Variants in ARCN1 observed in about 807,000 individuals in gnomAD.
The protein encoded by ARCN1 is coatomer subunit delta.
A neutral mutation model predicts 60.4 loss-of-function variants in ARCN1; 5 were observed. That is an observed-to-expected ratio of 0.08 (90% confidence interval 0.04 to 0.17). The LOEUF is 0.17. Ranked by LOEUF, ARCN1 falls within the 10% of genes least tolerant of loss-of-function variation. The pLI is 1.00. For missense variants in ARCN1, 464 were observed against 626.5 expected, an observed-to-expected ratio of 0.74 and a Z score of 2.77; for synonymous variants, 224 against 220.0, an observed-to-expected ratio of 1.02 and a Z score of -0.16.
rs782272141 is a variant in ARCN1, at chr11:118,593,604, T to C, written c.1147T>C (p.Ser383Pro). Residue 383 changes from serine (S) to proline (P), a missense_variant, in exon 8 of 10, where the codon TCG becomes CCG. Physicochemically the swap from Ser to Pro is moderately conservative, Grantham distance 74 (BLOSUM62 -1). Around this residue, in one of 2 missense-constraint regions of ARCN1, gnomAD observed 359 missense variants for 440.2 expected, o/e 0.82. Coordinates refer to ENST00000264028, the MANE Select transcript of ARCN1 (RefSeq NM_001655.5). The stretch of plus-strand genomic sequence containing the variant: ...TTTCTCCTCAGTTAATTGCTGGCCC[T>C]CGGAGAGTGGAAATGGCTGTGATGT... ...FIPLTINCWP[S>P]ESGNGCDVNI... 1.6e-5 allele frequency: 25 copies of C among 1,612,262 alleles called. No homozygotes were observed. Among genetic ancestry groups the C allele is most frequent in the African/African-American group, 2.7e-5 (2 of 74,858 alleles).
chr11:118,580,590 TA>T (rs1468827943), intron 1 of ARCN1, among the ~76,000 whole-genome samples: 6 of 152,188 alleles, frequency 3.9e-5, no homozygotes, highest in Non-Finnish European at 7.4e-5. Flanking sequence ...TTTTCACACC[TA>T]AAAAATTAGC....
rs115185092 is a variant in ARCN1, at chr11:118,572,757, C to T, written c.3+207C>T. On this transcript the variant is annotated intron_variant, in intron 1 of 9. Coordinates refer to ENST00000264028, the MANE Select transcript of ARCN1 (RefSeq NM_001655.5). ...TGACTCCAGTCCATCTGTCGTCGTG[C>T]CCGCTTCCGCACCACCCCCCAACCA... is the stretch of plus-strand genomic sequence containing the variant. The T allele has an allele frequency of 5.2e-3, 2,718 of 520,736 alleles. 60 individuals are homozygous for T. Among genetic ancestry groups the T allele is most frequent in the African/African-American group, 0.043 (2,192 of 50,902 alleles). 32.3% of individuals were successfully genotyped at this position (520,736 alleles called of 1,614,324 possible).
At chr11:118,598,998 C>A (rs371874313) in intron 9 of ARCN1, among the ~76,000 whole-genome samples, 5 of 150,634 alleles carry the variant, frequency 3.3e-5, no homozygotes, top group South Asian at 2.1e-4. Context: ...TTCACCATAT[C>A]GGTCAGGCTG....
rs782702821 is a variant in ARCN1, at chr11:118,597,872, A to C, written c.1407A>C (p.Gln469His). The C allele has an allele frequency of 1.9e-6, 3 of 1,614,056 alleles. No homozygotes were observed. In the East Asian group the frequency reaches 6.7e-5, roughly 36 times the overall value. ...AGCCCAATGACTTCTTCCCTGTTCA[A>C]GTTTCCTTTGTCTCCAAGAAAAATT... is the stretch of plus-strand genomic sequence containing the variant. ...AGQPNDFFPV[Q>H]VSFVSKKNYC... The change falls in exon 9 of 10, where the codon CAA becomes CAC. Residue 469 changes from glutamine to histidine, a missense_variant. Physicochemically the swap from Gln to His is conservative, Grantham distance 24 (BLOSUM62 0). This residue lies in a region of ARCN1 where 359 missense variants were observed against 440.2 expected (regional missense o/e 0.82). Transcript: ENST00000264028.
intron 8 of ARCN1, 130 bp from the exon 9 acceptor site, chr11:118,597,577 C>CT (rs1257109686): frequency 6.1e-6 from 4 of 656,702 alleles, no homozygotes; most frequent in East Asian, 3.4e-5. Flanking sequence ...AGTTATTAGC[C>CT]TTTTTTTCCC....
chr11:118,592,369 G>T (rs782169884), intron 6 of ARCN1, among the ~76,000 whole-genome samples: 1 of 152,132 alleles, frequency 6.6e-6, no homozygotes, highest in Non-Finnish European at 1.5e-5. Flanking sequence ...GGAGCCTTCT[G>T]CTTGGCAAAC....
At position 118,584,708 on chromosome 11, in the gene ARCN1, CTTAT is replaced by C; in HGVS notation, c.818+67_818+70del. On this transcript the variant is annotated intron_variant, in intron 5 of 9. Coordinates refer to ENST00000264028, the MANE Select transcript of ARCN1 (RefSeq NM_001655.5). ...ACAGTCCACATAATTTTTTAAAAAT[CTTAT>C]TTCAGTGTGCTATAAATTCTTTCTC... 2.9e-6 allele frequency: 4 copies of C among 1,367,666 alleles called. No individual in the cohort carries two copies. The East Asian group carries it at 9.9e-5, about 34-fold the overall frequency. 84.7% of individuals were successfully genotyped at this position (1,367,666 alleles called of 1,614,324 possible).
intron 1 of ARCN1, among the ~76,000 whole-genome samples, chr11:118,575,908 A>G (rs2508992): frequency 6.6e-6 from 1 of 152,062 alleles, no homozygotes. Flanking sequence ...ATATTGTTCC[A>G]AAGTGGTTAG....
intron 2 of ARCN1, among the ~76,000 whole-genome samples, chr11:118,582,725 T>TAA (rs1206435516): frequency 1.8e-4 from 18 of 100,860 alleles, no homozygotes; most frequent in East Asian, 2.9e-4. Flanking sequence ...GACTTTGTCT[T>TAA]AAAAAAAAAA....
chr11:118,587,102 G>A (rs1938796381), intron 5 of ARCN1, among the ~76,000 whole-genome samples: 1 of 152,190 alleles, frequency 6.6e-6, no homozygotes, highest in Admixed American at 6.5e-5. Context: ...TGTAGCCTCT[G>A]TAGTTCATCC....
At chr11:118,598,838 C>T (rs1347973386) in intron 9 of ARCN1, among the ~76,000 whole-genome samples, 2 of 151,786 alleles carry the variant, frequency 1.3e-5, no homozygotes, top group Non-Finnish European at 2.9e-5. Context: ...GCTCTGTTGC[C>T]CAGGCTGGAG....
intron 5 of ARCN1, among the ~76,000 whole-genome samples, chr11:118,586,882 G>C (rs950270283): frequency 4.2e-4 from 63 of 150,602 alleles, no homozygotes; most frequent in African/African-American, 1.5e-3. Flanking sequence ...AAATGTTGGA[G>C]ATCATCACAT....
At position 118,601,412 on chromosome 11, in the gene ARCN1, ATACT is replaced by A. The variant is rs1218832324; in HGVS notation, c.*701_*704del. 3.5e-5 allele frequency: 21 copies of A among 592,954 alleles called. No homozygotes were observed. Among genetic ancestry groups the A allele is most frequent in the African/African-American group, 5.6e-5 (3 of 53,306 alleles). The allele number at this position is 592,954 out of a possible 1,614,324, so 36.7% of individuals were successfully genotyped here. A position where few individuals can be genotyped will look rare whatever the true frequency, so the allele number is the denominator to read the frequency against. On this transcript the variant is annotated 3_prime_UTR_variant, in exon 10 of 10. Coordinates refer to ENST00000264028, the MANE Select transcript of ARCN1 (RefSeq NM_001655.5). ...TAATCCCTAAATATAGTTATATTTCATACTTAGTTTGTTTTTAAAAAGTTTTCTC... is the reference window on the plus strand; with the variant it reads ...TAATCCCTAAATATAGTTATATTTCATAGTTTGTTTTTAAAAAGTTTTCTC...
intron 5 of ARCN1, among the ~76,000 whole-genome samples, chr11:118,585,963 C>G (rs183970750): frequency 1.3e-5 from 2 of 152,202 alleles, no homozygotes; most frequent in Non-Finnish European, 2.9e-5. Context: ...ATTCGTGACT[C>G]AGATTTCTCG....
Position 118,601,948 on chromosome 11 carries a change from A to T in ARCN1, c.*1234A>T. The T allele has an allele frequency of 1.9e-6, 1 of 538,196 alleles. No individual in the cohort carries two copies. The highest frequency in any genetic ancestry group is 3.3e-6 in the Non-Finnish European group (1 of 301,674). 33.3% of individuals were successfully genotyped at this position (538,196 alleles called of 1,614,324 possible). ...TAAAACGTAATGGCCACAGTCTGTA[A>T]TCCATTCACATTCCTCAGTTTCACC... On this transcript the variant is annotated 3_prime_UTR_variant, in exon 10 of 10. Transcript: ENST00000264028.
intron 5 of ARCN1, among the ~76,000 whole-genome samples, chr11:118,587,295 C>T (rs1938800457): frequency 6.6e-6 from 1 of 152,178 alleles, no homozygotes; most frequent in Non-Finnish European, 1.5e-5. Flanking sequence ...TTGGAGACAA[C>T]TAGTATTAAC....
intron 9 of ARCN1, among the ~76,000 whole-genome samples, chr11:118,599,734 T>C (rs1485138148): frequency 1.3e-5 from 2 of 152,178 alleles, no homozygotes; most frequent in Non-Finnish European, 2.9e-5. Context: ...CTGGCTGTTC[T>C]TCCAGTTTTT....
At chr11:118,590,286 C>T (rs1051263015) in intron 5 of ARCN1, 55 bp from the exon 6 acceptor site, 19 of 1,507,062 alleles carry the variant, frequency 1.3e-5, no homozygotes, top group East Asian at 9.2e-5. Context: ...TGAGCCACCA[C>T]GCCCGGCCAT....
At chr11:118,584,777 G>A (rs1591385463) in intron 5 of ARCN1, 133 bp downstream of exon 5, 1 of 865,870 alleles carries the variant, frequency 1.2e-6, no homozygotes, top group East Asian at 3.0e-5. Context: ...TTTATTCAGA[G>A]CAGATTCTAC....
Sources: allele counts gnomAD v4.1 joint callset (sites outside exome capture counted in the v4.1 genomes callset), GRCh38; gene constraint gnomAD v4.1.1; regional missense constraint gnomAD v4.1.1; transcripts MANE v1.5; gene names NCBI Gene and HGNC (gene_info 2026-07-23, HGNC 2026-07-21).